The following SBF2 variants were observed in gnomAD, a reference collection of about 807,000 sequenced individuals.
SBF2 encodes SET binding factor 2, also known as myotubularin-related protein 13.
Under a neutral mutation model 225.2 loss-of-function variants are expected in SBF2, and 112 were observed. The ratio of observed to expected loss-of-function variants is 0.50; its 90% confidence interval spans 0.43 to 0.58. The LOEUF is 0.58. SBF2 is among the 20% of genes least tolerant of loss of function. The pLI is 0.00. For synonymous variants in SBF2, 763 were observed against 773.3 expected (o/e 0.99, Z 0.22); for missense variants, 1,996 against 2,206.2 (o/e 0.90, Z 1.91).
intron 17 of SBF2, among the ~76,000 whole-genome samples, chr11:9,862,257 G>C (rs1347360936): frequency 6.6e-6 from 1 of 152,216 alleles, no homozygotes; most frequent in African/African-American, 2.4e-5. Flanking sequence ...AGGGAGCACT[G>C]TGTCCCTCAG....
At chr11:10,229,800 G>C (rs1425930552) in intron 1 of SBF2, among the ~76,000 whole-genome samples, 1 of 152,206 alleles carries the variant, frequency 6.6e-6, no homozygotes, top group East Asian at 1.9e-4. Flanking sequence ...TTGATTTGGG[G>C]TGGAGAGTTC....
intron 2 of SBF2, among the ~76,000 whole-genome samples, chr11:10,121,575 A>G (rs929075133): frequency 6.6e-6 from 1 of 152,216 alleles, no homozygotes; most frequent in African/African-American, 2.4e-5. Flanking sequence ...AACCAATTTT[A>G]CATATGACTA....
At position 10,052,156 on chromosome 11, in the gene SBF2, A is replaced by C. The variant is rs556626125; in HGVS notation, c.142-9175T>G. Among the ~76,000 whole-genome samples, 6 of 116,436 alleles carry C rather than the reference A, an allele frequency of 5.2e-5. No individual in the cohort carries two copies. The East Asian group carries it at 1.0e-3, about 20-fold the overall frequency. The allele number at this position is 116,436 out of a possible 152,430, so 76.4% of individuals were successfully genotyped here. ...CTCCCCAGTGTCTTTATAGGCAAAC[A>C]GGAAAAAAAAAAAGCTATCACAGGT... is the stretch of plus-strand genomic sequence containing the variant. On this transcript the variant is annotated intron_variant, in intron 2 of 39. Coordinates refer to ENST00000256190, the MANE Select transcript of SBF2 (RefSeq NM_030962.4).
At chr11:10,250,937 T>A (rs1028190160) in intron 1 of SBF2, among the ~76,000 whole-genome samples, 3 of 152,226 alleles carry the variant, frequency 2.0e-5, no homozygotes, top group Admixed American at 6.5e-5. Context: ...GAAAATGGCA[T>A]CCTTAATGTG....
Position 10,019,765 on chromosome 11 carries a change from C to T in SBF2, c.619+8687G>A, listed in dbSNP as rs977764022. ...GAGAAAACTAAGACAGAAACATGAT[C>T]TGAGGCCCTAGATGCTGATCATTTC... is the stretch of plus-strand genomic sequence containing the variant. On this transcript the variant is annotated intron_variant, in intron 6 of 39. Transcript: ENST00000256190. Among the ~76,000 whole-genome samples, 6 of 152,056 alleles carry T rather than the reference C, an allele frequency of 3.9e-5. No homozygotes were observed. In the East Asian group the frequency reaches 9.7e-4, roughly 24 times the overall value.
chr11:9,895,883 T>C, intron 17 of SBF2, 60 bp downstream of exon 17: 1 of 1,260,544 alleles, frequency 7.9e-7, no homozygotes, highest in Non-Finnish European at 1.2e-6. Flanking sequence ...CCATAATAAA[T>C]CAAACTGAAT....
intron 17 of SBF2, among the ~76,000 whole-genome samples, chr11:9,876,627 T>G (rs377508447): frequency 6.6e-6 from 1 of 152,168 alleles, no homozygotes; most frequent in East Asian, 1.9e-4. Context: ...TCCCAGAAAG[T>G]GAATTGGCTG....
At chr11:9,956,300 C>T (rs1866160414) in intron 16 of SBF2, among the ~76,000 whole-genome samples, 1 of 152,136 alleles carries the variant, frequency 6.6e-6, no homozygotes. Flanking sequence ...ATAGAGTACG[C>T]TTCATATGCA....
At position 10,294,009 on chromosome 11, in the gene SBF2, C is replaced by T. The variant is rs1475303376; in HGVS notation, c.55+6G>A. 7.1e-7 allele frequency: 1 copy of T among 1,398,832 alleles called. No homozygotes were observed. Among genetic ancestry groups the T allele is most frequent in the Admixed American group, 2.7e-5 (1 of 37,088 alleles). The allele number at this position is 1,398,832 out of a possible 1,614,324, so 86.7% of individuals were successfully genotyped here. A position where few individuals can be genotyped will look rare whatever the true frequency, so the allele number is the denominator to read the frequency against. On this transcript the variant is annotated splice_donor_region_variant and intron_variant, in intron 1 of 39. Coordinates refer to ENST00000256190, the MANE Select transcript of SBF2 (RefSeq NM_030962.4). ...GCCCGGGGGCGGTGCCGCCCCACAC[C>T]CTTACCTGGCTTCTCGTGGTCATAG...
chr11:10,005,044 G>A (rs747898257), intron 6 of SBF2, among the ~76,000 whole-genome samples: 1 of 152,186 alleles, frequency 6.6e-6, no homozygotes. Flanking sequence ...ACCATCAGGT[G>A]ATGGTCAGGT....
intron 32 of SBF2, among the ~76,000 whole-genome samples, chr11:9,802,332 T>C (rs1853541166): frequency 6.6e-6 from 1 of 152,236 alleles, no homozygotes; most frequent in Non-Finnish European, 1.5e-5. Flanking sequence ...TGAGCTAGCA[T>C]TTATAATTCA....
chr11:9,978,615 A>G (rs1277413937), intron 13 of SBF2, among the ~76,000 whole-genome samples: 2 of 152,192 alleles, frequency 1.3e-5, no homozygotes, highest in African/African-American at 4.8e-5. Flanking sequence ...GGGATTGTCC[A>G]TGTTTTTGTT....
chr11:9,853,568 G>A lies in SBF2; in HGVS notation c.2508C>T (p.His836=). Residue 836 remains histidine, a synonymous_variant, in exon 20 of 40, where the codon CAC becomes CAT. Transcript: ENST00000256190. Reference sequence around the variant, plus strand: ...GTATCATGCAATGAAGGCTCTTGATGTGATCCTGAGTAACTCCACTCTCTG... The same window carrying A: ...GTATCATGCAATGAAGGCTCTTGATATGATCCTGAGTAACTCCACTCTCTG... ...VCTESGVTQD[H]IKSLHCMIPG... The A allele has an allele frequency of 1.2e-6, 2 of 1,613,954 alleles. No homozygotes were observed. Among genetic ancestry groups the A allele is most frequent in the Non-Finnish European group, 1.7e-6 (2 of 1,179,886 alleles).
rs748287991 is a variant in SBF2 at position 10,193,974 on chromosome 11, A to G, written c.69T>C (p.Gly23=). ...YDHEKPGSGE[G]LGKIIQRFPQ... The stretch of plus-strand genomic sequence containing the variant: ...GAAATCTCTGGATTATTTTCCCCAG[A>G]CCTTCTCCTGATCCTGTTAATAAAA... The change falls in exon 2 of 40, where the codon GGT becomes GGC. Residue 23 remains glycine, a synonymous_variant. Coordinates refer to ENST00000256190, the MANE Select transcript of SBF2 (RefSeq NM_030962.4). The G allele has an allele frequency of 5.0e-6, 8 of 1,609,640 alleles. No homozygotes were observed. The highest frequency in any genetic ancestry group is 6.0e-6 in the Non-Finnish European group (7 of 1,176,010).
chr11:9,852,615 A>G, intron 21 of SBF2, 61 bp downstream of exon 21: 1 of 1,159,888 alleles, frequency 8.6e-7, no homozygotes, highest in Non-Finnish European at 1.3e-6. Context: ...GGCACACAGC[A>G]GTCTATTGTT....
intron 15 of SBF2, among the ~76,000 whole-genome samples, 186 bp downstream of exon 15, chr11:9,963,587 T>C (rs1316021770): frequency 6.6e-6 from 1 of 152,130 alleles, no homozygotes; most frequent in Non-Finnish European, 1.5e-5. Flanking sequence ...CTGGTGGTCA[T>C]ATAATTAAGC....
At chr11:9,840,841 C>A (rs7927606) in intron 25 of SBF2, among the ~76,000 whole-genome samples, 2 of 151,746 alleles carry the variant, frequency 1.3e-5, no homozygotes, top group East Asian at 1.9e-4. Context: ...GTTTTACAAT[C>A]ACAGGTTACA....
intron 16 of SBF2, among the ~76,000 whole-genome samples, chr11:9,931,513 T>C (rs1864497483): frequency 6.6e-6 from 1 of 151,952 alleles, no homozygotes; most frequent in Admixed American, 6.5e-5. Context: ...TCCAGCAAAC[T>C]CCAACACACC....
At chr11:10,005,664 T>G (rs1390094020) in intron 6 of SBF2, among the ~76,000 whole-genome samples, 1 of 152,220 alleles carries the variant, frequency 6.6e-6, no homozygotes, top group Non-Finnish European at 1.5e-5. Context: ...TTGCTGTCGG[T>G]AACATACTTT....
Sources: allele counts gnomAD v4.1 joint callset (sites outside exome capture counted in the v4.1 genomes callset), GRCh38; gene constraint gnomAD v4.1.1; transcripts MANE v1.5; gene names NCBI Gene and HGNC (gene_info 2026-07-23, HGNC 2026-07-21).